Variants in COL28A1 observed in about 807,000 individuals in gnomAD.
The protein encoded by COL28A1 is collagen type XXVIII alpha 1 chain, also known as collagen alpha-1(XXVIII) chain.
A neutral mutation model predicts 150.2 loss-of-function variants in COL28A1; 161 were observed. The ratio of observed to expected loss-of-function variants is 1.07; its 90% CI spans 0.94 to 1.22. The LOEUF is 1.22. Among genes scored for constraint, COL28A1 ranks in the 50% most tolerant of loss-of-function variants. The pLI, the probability that COL28A1 is intolerant of heterozygous loss-of-function variation, is 0.00. For synonymous variants in COL28A1, 552 were observed against 469.7 expected (o/e 1.18, Z -2.26); for missense variants, 1,617 against 1,388.3 (o/e 1.16, Z -2.62).
intron 25 of COL28A1, among the ~76,000 whole-genome samples, chr7:7,426,548 T>C (rs1441149949): frequency 6.6e-6 from 1 of 152,238 alleles, no homozygotes; most frequent in African/African-American, 2.4e-5. Context: ...ACTGTCAGCA[T>C]GATCATCATG....
At chr7:7,436,856 A>G (rs1340450163) in intron 22 of COL28A1, among the ~76,000 whole-genome samples, 1 of 152,188 alleles carries the variant, frequency 6.6e-6, no homozygotes, top group East Asian at 1.9e-4. Flanking sequence ...CCCGGCCAAC[A>G]TGGCAAAACC....
chr7:7,513,457 G>A (rs905091503), intron 8 of COL28A1, among the ~76,000 whole-genome samples: 2 of 152,180 alleles, frequency 1.3e-5, no homozygotes, highest in Admixed American at 6.5e-5. Flanking sequence ...CAGGAAAGAG[G>A]GAGGTGTGAC....
the COL28A1 span, among the ~76,000 whole-genome samples, chr7:7,343,176 A>G: frequency 6.6e-6 from 1 of 151,890 alleles, no homozygotes; most frequent in Admixed American, 6.6e-5. Context: ...ATATATATAT[A>G]TAAGTGTAGA....
chr7:7,487,927 G>A (rs889260718), intron 13 of COL28A1, among the ~76,000 whole-genome samples: 4 of 152,120 alleles, frequency 2.6e-5, no homozygotes, highest in Non-Finnish European at 5.9e-5. Context: ...CACTGTAGCT[G>A]CCCATGTGGA....
At position 7,380,875 on chromosome 7, in the gene COL28A1, G is replaced by A. The variant is rs1028740395; in HGVS notation, c.2206-13C>T. 2.5e-6 allele frequency: 4 copies of A among 1,605,768 alleles called. No homozygotes were observed. The highest frequency in any genetic ancestry group is 1.3e-5 in the African/African-American group (1 of 74,730). ...CTCCGTGCTCTCCCTTTACACAATA[G>A]GGTAAAATGATAGGTTCAGAATGTG... On this transcript the variant is annotated splice_polypyrimidine_tract_variant and intron_variant, in intron 28 of 34. Transcript: ENST00000399429.
rs185983513 is a variant in COL28A1, at chr7:7,401,409, C to T, written c.2136+16450G>A. ...CCCCTGAACTCCAGATTTCTATCCC[C>T]AAATACCTACTCGGCAGGTCCATTT... is the stretch of plus-strand genomic sequence containing the variant. On this transcript the variant is annotated intron_variant, in intron 27 of 34. Transcript: ENST00000399429. 2.2e-3 allele frequency among the ~76,000 whole-genome samples: 331 copies of T among 152,270 alleles called. 1 individual carries two copies. Among genetic ancestry groups the T allele is most frequent in the African/African-American group, 7.6e-3 (316 of 41,550 alleles).
rs544417504 is a variant in COL28A1, at chr7:7,385,222, G to T, written c.2137-3610C>A. Among the ~76,000 whole-genome samples, 10 of 152,306 alleles carry T rather than the reference G, an allele frequency of 6.6e-5. No homozygotes were observed. In the South Asian group the frequency reaches 1.9e-3, roughly 28 times the overall value. On this transcript the variant is annotated intron_variant, in intron 27 of 34. Transcript: ENST00000399429. ...AATTTGTTTTCTCAGATTTTTTGTGGAGGTGAATGAGGACATTTTCATTCA... is the reference window on the plus strand; with the variant it reads ...AATTTGTTTTCTCAGATTTTTTGTGTAGGTGAATGAGGACATTTTCATTCA...
intron 15 of COL28A1, among the ~76,000 whole-genome samples, chr7:7,473,913 TTTG>T (rs1244239235): frequency 2.0e-5 from 3 of 150,144 alleles, no homozygotes; most frequent in South Asian, 2.1e-4. Flanking sequence ...AGTGTGTGTG[TTTG>T]TTTATATATA....
intron 11 of COL28A1, among the ~76,000 whole-genome samples, chr7:7,493,018 T>C (rs1224593046): frequency 6.8e-6 from 1 of 147,648 alleles, no homozygotes; most frequent in Non-Finnish European, 1.5e-5. Context: ...ATATAACAGG[T>C]ATATATAATG....
chr7:7,385,183 C>T lies in COL28A1; in HGVS notation c.2137-3571G>A, dbSNP rs115529501. ...TCTTAAGAAAGATGTCTTGGTAAAT[C>T]ACACTTTGGTATAAATTTGTTTTCT... On this transcript the variant is annotated intron_variant, in intron 27 of 34. Transcript: ENST00000399429. 6.5e-3 allele frequency among the ~76,000 whole-genome samples: 997 copies of T among 152,292 alleles called. 15 individuals are homozygous for T. The highest frequency in any genetic ancestry group is 0.023 in the African/African-American group (943 of 41,556).
chr7:7,376,661 A>G lies in COL28A1; in HGVS notation c.2323-1164T>C, dbSNP rs149861370. On this transcript the variant is annotated intron_variant, in intron 30 of 34. Transcript: ENST00000399429. Reference sequence around the variant, plus strand: ...TGTATGTATTTATATATTTATATTAAGTATATCTAGAAAGGGGAAATATAT... The same window carrying G: ...TGTATGTATTTATATATTTATATTAGGTATATCTAGAAAGGGGAAATATAT... 5.4e-3 allele frequency among the ~76,000 whole-genome samples: 828 copies of G among 152,182 alleles called. 7 individuals carry two copies. The highest frequency in any genetic ancestry group is 0.019 in the African/African-American group (799 of 41,540).
intron 27 of COL28A1, among the ~76,000 whole-genome samples, chr7:7,382,316 A>C (rs1781917191): frequency 6.6e-6 from 1 of 152,128 alleles, no homozygotes; most frequent in African/African-American, 2.4e-5. Flanking sequence ...ATCTCAAAAA[A>C]AAAAACAGAA....
chr7:7,342,392 G>C, the COL28A1 span, among the ~76,000 whole-genome samples: 2 of 151,962 alleles, frequency 1.3e-5, no homozygotes, highest in East Asian at 3.9e-4. Context: ...ATTACTCTTT[G>C]CCTCTTAATT....
At chr7:7,418,518 A>G (rs1784227019) in intron 26 of COL28A1, among the ~76,000 whole-genome samples, 1 of 152,194 alleles carries the variant, frequency 6.6e-6, no homozygotes, top group Non-Finnish European at 1.5e-5. Flanking sequence ...TTTCCCTTGG[A>G]GATCTCCAGT....
intron 25 of COL28A1, chr7:7,420,200 G>A: frequency 3.4e-6 from 1 of 290,390 alleles, no homozygotes; most frequent in Non-Finnish European, 6.3e-6. Flanking sequence ...CTCTTCTCTA[G>A]AATTTGGAAA....
chr7:7,472,440 A>G (rs527627815), intron 15 of COL28A1, among the ~76,000 whole-genome samples: 1 of 151,786 alleles, frequency 6.6e-6, no homozygotes, highest in Non-Finnish European at 1.5e-5. Context: ...AAAAAAAAAT[A>G]AAATACTTAG....
At chr7:7,444,131 G>A (rs1379517779) in intron 19 of COL28A1, among the ~76,000 whole-genome samples, 1 of 151,696 alleles carries the variant, frequency 6.6e-6, no homozygotes. Flanking sequence ...CGGGGGGAGT[G>A]GCTTTCTCTT....
chr7:7,432,482 A>G lies in COL28A1; in HGVS notation c.1989T>C (p.Thr663=). The change falls in exon 25 of 35, where the codon ACT becomes ACC. Residue 663 remains threonine (T), a synonymous_variant. Transcript: ENST00000399429. Reference sequence around the variant, plus strand: ...TACTTTAAAGTCTTACCTTTGCTCCAGTGTCTCCCACTCCACGTAAACCCA... The same window carrying G: ...TACTTTAAAGTCTTACCTTTGCTCCGGTGTCTCCCACTCCACGTAAACCCA... The part of the protein sequence containing the change: ...GPMGLRGVGD[T]GAKGEPGVRG... 6.2e-7 allele frequency: 1 copy of G among 1,614,024 alleles called. No homozygotes were observed. The highest frequency in any genetic ancestry group is 1.7e-4 in the Middle Eastern group (1 of 6,060).
At position 7,486,613 on chromosome 7, in the gene COL28A1, T is replaced by G. The variant is rs555796608; in HGVS notation, c.1164+2776A>C. 8.5e-5 allele frequency among the ~76,000 whole-genome samples: 13 copies of G among 152,316 alleles called. No homozygotes were observed. The South Asian group carries it at 1.4e-3, about 17-fold the overall frequency. On this transcript the variant is annotated intron_variant, in intron 13 of 34. Transcript: ENST00000399429. Reference sequence around the variant, plus strand: ...GGAAGTTCCTCCTCTATTTATAGCTTTCTGAGAGTTTCTATGAGAGATTTA... The same window carrying G: ...GGAAGTTCCTCCTCTATTTATAGCTGTCTGAGAGTTTCTATGAGAGATTTA...
Sources: gnomAD v4.1 joint callset for allele counts (sites outside exome capture counted in the v4.1 genomes callset) on GRCh38, gnomAD v4.1.1 for gene constraint, MANE v1.5 for transcripts, NCBI Gene and HGNC (gene_info 2026-07-23, HGNC 2026-07-21) for gene names.